Variants in FILIP1L observed in about 807,000 individuals in gnomAD.
FILIP1L encodes the protein filamin A interacting protein 1 like, also known as filamin A-interacting protein 1-like.
A neutral mutation model predicts 96.6 loss-of-function variants in FILIP1L; 55 were observed. That is an observed-to-expected ratio of 0.57 (90% CI 0.46 to 0.71). The LOEUF is 0.71. FILIP1L is among the 30% of genes least tolerant of loss of function. FILIP1L has a pLI of 0.00. For synonymous variants in FILIP1L, 467 were observed against 473.9 expected, an observed-to-expected ratio of 0.99 and a Z score of 0.19; for missense variants, 1,304 against 1,321.2, an observed-to-expected ratio of 0.99 and a Z score of 0.20.
intron 1 of FILIP1L, among the ~76,000 whole-genome samples, chr3:99,950,311 A>G (rs572324494): frequency 4.3e-4 from 66 of 152,324 alleles, no homozygotes; most frequent in African/African-American, 1.5e-3. Context: ...AAATGTTAGA[A>G]ATTTTTACAG....
Position 99,983,389 on chromosome 3 carries a change from A to AATAT in FILIP1L, c.-10-52363_-10-52360dup, listed in dbSNP as rs397990626. Among the ~76,000 whole-genome samples, 42 of 40,766 alleles carry AATAT rather than the reference A, an allele frequency of 1.0e-3. 1 individual carries two copies. The highest frequency in any genetic ancestry group is 2.9e-3 in the African/African-American group (28 of 9,784). The allele number at this position is 40,766 out of a possible 152,430, so 26.7% of individuals were successfully genotyped here. ...TCTCTACTTAAAAAATAAATAAATA[A>AATAT]ATATATATATATATATATATATATA... On this transcript the variant is annotated intron_variant, in intron 1 of 5. Coordinates refer to ENST00000477258, the MANE Select transcript of FILIP1L (RefSeq NM_001387850.1).
At chr3:100,077,278 A>G (rs536794730) in intron 1 of FILIP1L, among the ~76,000 whole-genome samples, 15 of 152,236 alleles carry the variant, frequency 9.9e-5, no homozygotes, top group South Asian at 2.1e-4. Context: ...GCTCCCAATC[A>G]GTGATGCATG....
intron 1 of FILIP1L, among the ~76,000 whole-genome samples, chr3:99,975,469 G>GT (rs1708941592): frequency 6.6e-6 from 1 of 151,980 alleles, no homozygotes; most frequent in African/African-American, 2.4e-5. Flanking sequence ...GCGGGCGCCT[G>GT]TAATCCCAGC....
At chr3:99,834,660 C>T (rs1035538362) in intron 5 of FILIP1L, among the ~76,000 whole-genome samples, 3 of 152,020 alleles carry the variant, frequency 2.0e-5, no homozygotes, top group African/African-American at 7.2e-5. Flanking sequence ...TTTTTTTGTA[C>T]CCTTTCCTCC....
chr3:100,081,184 G>T (rs1013095173), intron 1 of FILIP1L, among the ~76,000 whole-genome samples: 4 of 152,154 alleles, frequency 2.6e-5, no homozygotes, highest in Non-Finnish European at 2.9e-5. Context: ...CCTCTCTCAA[G>T]ATGGAACTTC....
intron 1 of FILIP1L, among the ~76,000 whole-genome samples, chr3:100,074,881 A>C (rs2065825172): frequency 6.6e-6 from 1 of 151,262 alleles, no homozygotes; most frequent in Non-Finnish European, 1.5e-5. Context: ...TTTAATAGAG[A>C]CAGGGTTTCG....
intron 1 of FILIP1L, among the ~76,000 whole-genome samples, chr3:100,046,524 TC>T (rs1030064893): frequency 4.2e-4 from 64 of 152,142 alleles, no homozygotes; most frequent in African/African-American, 1.4e-3. Flanking sequence ...AATCTAGAAT[TC>T]CCCAACTCCC....
chr3:100,098,727 C>T (rs2066255242), intron 1 of FILIP1L, among the ~76,000 whole-genome samples: 2 of 152,102 alleles, frequency 1.3e-5, no homozygotes, highest in Non-Finnish European at 2.9e-5. Context: ...AATGTCATTG[C>T]CGTATACAGA....
chr3:100,105,351 A>G (rs1379965794), intron 1 of FILIP1L, among the ~76,000 whole-genome samples: 1 of 152,186 alleles, frequency 6.6e-6, no homozygotes, highest in Non-Finnish European at 1.5e-5. Flanking sequence ...GACTAGTAAT[A>G]TCTTTTTAGA....
chr3:100,045,337 C>T (rs758482489), intron 1 of FILIP1L, among the ~76,000 whole-genome samples: 1 of 152,194 alleles, frequency 6.6e-6, no homozygotes, highest in Non-Finnish European at 1.5e-5. Context: ...CTAGGAAAAT[C>T]TCACAGCCTT....
chr3:99,849,307 ATTC>A lies in FILIP1L; in HGVS notation c.2366_2368del (p.Arg789del), dbSNP rs1396473736. 2.5e-6 allele frequency: 4 copies of A among 1,614,024 alleles called. No homozygotes were observed. The highest frequency in any genetic ancestry group is 2.2e-5 in the East Asian group (1 of 44,886). On this transcript the variant is annotated inframe_deletion, in exon 5 of 6. Coordinates refer to ENST00000477258, the MANE Select transcript of FILIP1L (RefSeq NM_001387850.1). Reference sequence around the variant, plus strand: ...TTTAGAAAATACTTGAGGATCGGAAATTCTTCTTCCATTGAGACTAGGCCTGAG... The same window carrying A: ...TTTAGAAAATACTTGAGGATCGGAAATTCTTCCATTGAGACTAGGCCTGAG...
intron 1 of FILIP1L, among the ~76,000 whole-genome samples, chr3:100,009,348 G>A (rs1380173596): frequency 2.0e-5 from 3 of 152,130 alleles, no homozygotes; most frequent in African/African-American, 4.8e-5. Flanking sequence ...GTTAGAGTTC[G>A]CAGTAGTGGT....
intron 1 of FILIP1L, among the ~76,000 whole-genome samples, chr3:100,030,625 A>G (rs1299919229): frequency 1.3e-5 from 2 of 152,134 alleles, no homozygotes; most frequent in African/African-American, 4.8e-5. Context: ...TCAGTTCACC[A>G]TTTGGAATCA....
intron 1 of FILIP1L, among the ~76,000 whole-genome samples, chr3:99,961,638 A>C (rs886838470): frequency 6.6e-6 from 1 of 152,046 alleles, no homozygotes; most frequent in African/African-American, 2.4e-5. Flanking sequence ...GGGAACCGAT[A>C]CCTTTGGCCC....
chr3:100,074,607 A>G (rs1452710682), intron 1 of FILIP1L, among the ~76,000 whole-genome samples: 1 of 147,606 alleles, frequency 6.8e-6, no homozygotes, highest in Non-Finnish European at 1.5e-5. Flanking sequence ...TGAGAAATAC[A>G]TCTTTCTGTT....
chr3:99,947,886 A>G (rs927774774), intron 1 of FILIP1L, among the ~76,000 whole-genome samples: 10 of 152,074 alleles, frequency 6.6e-5, no homozygotes, highest in African/African-American at 2.4e-4. Flanking sequence ...TTATTTGCAC[A>G]TTTTTTCCTT....
At chr3:100,072,599 C>T (rs1256567306) in intron 1 of FILIP1L, among the ~76,000 whole-genome samples, 2 of 152,212 alleles carry the variant, frequency 1.3e-5, no homozygotes, top group Non-Finnish European at 2.9e-5. Context: ...ACCATCGCAC[C>T]CCACCTCCAA....
chr3:100,003,772 G>C (rs1447724799), intron 1 of FILIP1L, among the ~76,000 whole-genome samples: 1 of 152,108 alleles, frequency 6.6e-6, no homozygotes, highest in East Asian at 1.9e-4. Context: ...TAAAAGTCAA[G>C]AGCATAGACA....
chr3:99,842,729 A>G (rs1225695506), intron 5 of FILIP1L, among the ~76,000 whole-genome samples: 1 of 152,254 alleles, frequency 6.6e-6, no homozygotes, highest in Non-Finnish European at 1.5e-5. Flanking sequence ...GGAATGGCTG[A>G]CTGCAATGCC....
Sources: allele counts gnomAD v4.1 joint callset (sites outside exome capture counted in the v4.1 genomes callset), GRCh38; gene constraint gnomAD v4.1.1; transcripts MANE v1.5; gene names NCBI Gene and HGNC (gene_info 2026-07-23, HGNC 2026-07-21).